The following FTO variants were observed in gnomAD, a reference collection of about 807,000 sequenced individuals.
FTO encodes the protein alpha-ketoglutarate-dependent dioxygenase FTO.
FTO carries 47 observed loss-of-function variants against 63.9 expected under a neutral mutation model. That is an observed-to-expected ratio of 0.74 (90% CI 0.58 to 0.94). The LOEUF (loss-of-function observed/expected upper bound fraction) is 0.94. Ranked by LOEUF, FTO falls within the 40% of genes least tolerant of loss-of-function variation. FTO has a pLI of 0.00. For synonymous variants in FTO, 207 were observed against 224.4 expected (o/e 0.92, Z 0.69); for missense variants, 562 against 618.1 (o/e 0.91, Z 0.96).
At chr16:54,102,063 C>G (rs1227915371) in intron 8 of FTO, among the ~76,000 whole-genome samples, 3 of 152,056 alleles carry the variant, frequency 2.0e-5, no homozygotes, top group Non-Finnish European at 2.9e-5. Context: ...GATATTAGAC[C>G]TTTGTCAGAT....
At chr16:53,719,785 C>G (rs2075994093) in intron 1 of FTO, among the ~76,000 whole-genome samples, 1 of 151,410 alleles carries the variant, frequency 6.6e-6, no homozygotes, top group African/African-American at 2.4e-5. Context: ...CATTTTTATT[C>G]TTTTTTGTTT....
chr16:53,710,833 G>T (rs913215842), intron 1 of FTO, among the ~76,000 whole-genome samples: 1 of 152,158 alleles, frequency 6.6e-6, no homozygotes, highest in African/African-American at 2.4e-5. Context: ...TCCCTTTTAG[G>T]TGGGAAATGT....
intron 7 of FTO, among the ~76,000 whole-genome samples, chr16:53,913,377 A>T (rs1025245690): frequency 6.6e-6 from 1 of 152,236 alleles, no homozygotes; most frequent in Non-Finnish European, 1.5e-5. Flanking sequence ...ACAGTCAGAC[A>T]CATTGAACAT....
At position 53,758,098 on chromosome 16, in the gene FTO, C is replaced by T. The variant is rs148124674; in HGVS notation, c.46-52042C>T. ...TTAGTCTTAAGCTTTGCCCACCTGC[C>T]AGATAGGTGTAAGATGATTAATGAA... On this transcript the variant is annotated intron_variant, in intron 1 of 8. Coordinates refer to ENST00000471389, the MANE Select transcript of FTO (RefSeq NM_001080432.3). 6.2e-3 allele frequency among the ~76,000 whole-genome samples: 939 copies of T among 152,274 alleles called. 26 individuals carry two copies. Among genetic ancestry groups the T allele is most frequent in the Admixed American group, 0.049 (753 of 15,296 alleles).
intron 3 of FTO, among the ~76,000 whole-genome samples, chr16:53,829,940 T>C (rs966207517): frequency 6.6e-6 from 1 of 151,808 alleles, no homozygotes; most frequent in African/African-American, 2.4e-5. Flanking sequence ...TGGAAAGTGT[T>C]CCTTGCCACT....
intron 7 of FTO, among the ~76,000 whole-genome samples, chr16:53,928,149 A>G (rs2082193028): frequency 6.6e-6 from 1 of 152,194 alleles, no homozygotes; most frequent in South Asian, 2.1e-4. Flanking sequence ...ACTCTAAAGA[A>G]TATATTAATA....
intron 7 of FTO, among the ~76,000 whole-genome samples, chr16:53,918,026 G>A (rs774950097): frequency 2.6e-5 from 4 of 152,078 alleles, no homozygotes; most frequent in Non-Finnish European, 5.9e-5. Context: ...AGAAAAATAA[G>A]ATTATTCTTA....
chr16:54,024,765 T>C (rs2084678527), intron 8 of FTO, among the ~76,000 whole-genome samples: 1 of 152,218 alleles, frequency 6.6e-6, no homozygotes, highest in Admixed American at 6.5e-5. Flanking sequence ...CAGGGAGTAG[T>C]GTCTGCCACA....
At chr16:54,027,396 GT>G (rs2084737854) in intron 8 of FTO, among the ~76,000 whole-genome samples, 1 of 152,090 alleles carries the variant, frequency 6.6e-6, no homozygotes, top group African/African-American at 2.4e-5. Flanking sequence ...TCATAGCTGT[GT>G]ACTAAACTAA....
intron 7 of FTO, among the ~76,000 whole-genome samples, chr16:53,892,880 C>A (rs1439701420): frequency 6.6e-6 from 1 of 152,148 alleles, no homozygotes; most frequent in Non-Finnish European, 1.5e-5. Context: ...GCTTTGAAAT[C>A]GCTTTTCTTC....
chr16:54,048,062 T>C (rs2085214651), intron 8 of FTO, among the ~76,000 whole-genome samples: 2 of 73,986 alleles, frequency 2.7e-5, no homozygotes, highest in African/African-American at 9.8e-5. Flanking sequence ...TGTATACATA[T>C]GTAACTAACC....
chr16:53,793,774 T>C (rs145655537), intron 1 of FTO, among the ~76,000 whole-genome samples: 252 of 152,152 alleles, frequency 1.7e-3, no homozygotes, highest in African/African-American at 5.7e-3. Flanking sequence ...AATAGAAAGG[T>C]GCTCATAATA....
At chr16:53,952,276 T>G (rs1197091382) in intron 8 of FTO, among the ~76,000 whole-genome samples, 1 of 152,196 alleles carries the variant, frequency 6.6e-6, no homozygotes, top group East Asian at 1.9e-4. Flanking sequence ...TTAATCTACT[T>G]CCTTTTGTGA....
chr16:53,853,170 G>A (rs964051353), intron 4 of FTO, among the ~76,000 whole-genome samples: 65 of 152,218 alleles, frequency 4.3e-4, no homozygotes, highest in African/African-American at 1.6e-3. Flanking sequence ...GCAGGCACCC[G>A]TAGTCCTAGT....
At chr16:53,910,544 ATTGT>A (rs1035483274) in intron 7 of FTO, among the ~76,000 whole-genome samples, 2 of 152,022 alleles carry the variant, frequency 1.3e-5, no homozygotes, top group Non-Finnish European at 2.9e-5. Flanking sequence ...GTTTTTGTTG[ATTGT>A]TAGTTTGAGA....
At chr16:54,065,856 C>G (rs1196815373) in intron 8 of FTO, among the ~76,000 whole-genome samples, 1 of 152,204 alleles carries the variant, frequency 6.6e-6, no homozygotes, top group Non-Finnish European at 1.5e-5. Context: ...GTCCCCATCT[C>G]CCTCTGACCT....
chr16:53,930,026 C>T lies in FTO; in HGVS notation c.1240-3959C>T, dbSNP rs573804818. Among the ~76,000 whole-genome samples the T allele has an allele frequency of 1.2e-4, 19 of 152,184 alleles. No homozygotes were observed. The South Asian group carries it at 2.9e-3, about 23-fold the overall frequency. On this transcript the variant is annotated intron_variant, in intron 7 of 8. Coordinates refer to ENST00000471389, the MANE Select transcript of FTO (RefSeq NM_001080432.3). ...TGTGAGGCAGTGATTCTCTCTTCAG[C>T]TCCATCTGTTTATGTGATTATGTCA...
At chr16:54,030,651 T>C (rs2084807811) in intron 8 of FTO, among the ~76,000 whole-genome samples, 1 of 152,120 alleles carries the variant, frequency 6.6e-6, no homozygotes, top group Non-Finnish European at 1.5e-5. Context: ...ACCAAGCACT[T>C]CCTCTCTTCA....
intron 2 of FTO, among the ~76,000 whole-genome samples, chr16:53,819,882 C>A (rs941753803): frequency 3.9e-5 from 6 of 152,112 alleles, no homozygotes; most frequent in Non-Finnish European, 7.4e-5. Flanking sequence ...TTCTTTCCTG[C>A]CCCAGCCAAG....
Sources: gnomAD v4.1 joint callset for allele counts (sites outside exome capture counted in the v4.1 genomes callset) on GRCh38, gnomAD v4.1.1 for gene constraint, MANE v1.5 for transcripts, NCBI Gene and HGNC (gene_info 2026-07-23, HGNC 2026-07-21) for gene names.